The following CEP164 variants were observed in gnomAD, a reference collection of about 807,000 sequenced individuals.
CEP164 encodes centrosomal protein of 164 kDa.
CEP164 carries 162 observed loss-of-function variants against 182.7 expected under a neutral mutation model. The ratio of observed to expected loss-of-function variants is 0.89; its 90% CI spans 0.78 to 1.01. The LOEUF (loss-of-function observed/expected upper bound fraction) is 1.01. Among genes scored for constraint, CEP164 ranks in the 50% least tolerant of loss-of-function variants. The pLI, the probability that CEP164 is intolerant of heterozygous loss-of-function variation, is 0.00. For synonymous variants in CEP164, 661 were observed against 690.0 expected (o/e 0.96, Z 0.66); for missense variants, 1,735 against 1,790.4 (o/e 0.97, Z 0.56).
chr11:117,354,956 C>T (rs531508020), intron 5 of CEP164: 3 of 1,287,324 alleles, frequency 2.3e-6, no homozygotes, highest in African/African-American at 1.5e-5. Context: ...GGAGGGACTT[C>T]TGCCTCCTTC....
upstream of CEP164, among the ~76,000 whole-genome samples, chr11:117,323,302 C>A (rs530685778): frequency 1.4e-4 from 21 of 151,524 alleles, no homozygotes; most frequent in African/African-American, 5.1e-4. Flanking sequence ...TCTATGAGAT[C>A]AACTTTTTTT....
chr11:117,338,184 C>T (rs1294921800), intron 2 of CEP164, among the ~76,000 whole-genome samples: 1 of 152,024 alleles, frequency 6.6e-6, no homozygotes, highest in African/African-American at 2.4e-5. Flanking sequence ...GGGTGTGCCA[C>T]GGAGATGTGC....
chr11:117,396,280 A>C, intron 25 of CEP164, 100 bp downstream of exon 25: 4 of 1,349,686 alleles, frequency 3.0e-6, no homozygotes, highest in Non-Finnish European at 4.2e-6. Flanking sequence ...GGGACAGCTC[A>C]TCAGGAGGGG....
At chr11:117,374,690 A>C (rs577601242) in intron 10 of CEP164, among the ~76,000 whole-genome samples, 3 of 152,388 alleles carry the variant, frequency 2.0e-5, no homozygotes. Context: ...AAAACTGTCC[A>C]TGAAGAATCG....
intron 5 of CEP164, chr11:117,355,985 G>C: frequency 6.4e-6 from 7 of 1,087,362 alleles, no homozygotes; most frequent in Non-Finnish European, 7.9e-6. Context: ...TAGCTTGTCT[G>C]GGCCTGACTT....
At chr11:117,327,277 T>C (rs1188953127), upstream of CEP164, among the ~76,000 whole-genome samples, 1 of 152,134 alleles carries the variant, frequency 6.6e-6, no homozygotes, top group African/African-American at 2.4e-5. Flanking sequence ...ACATTCACAT[T>C]TGTTTTGTTG....
chr11:117,375,726 C>T lies in CEP164; in HGVS notation c.1252C>T (p.Arg418Trp), dbSNP rs575328059. 3.1e-5 allele frequency: 50 copies of T among 1,614,094 alleles called. No homozygotes were observed. The highest frequency in any genetic ancestry group is 2.0e-4 in the East Asian group (9 of 44,862). ...FHGLDFGFRS[R>W]ISEHLLDVDV... ...TCTCCAGGACTTCGGTTTTCGCAGC[C>T]GGATCTCGGAGCACCTGCTGGATGT... Residue 418 changes from arginine (R) to tryptophan (W), a missense_variant, in exon 11 of 33, where the codon CGG becomes TGG. By Grantham distance (101) the Arg-to-Trp change is moderately radical. Coordinates refer to ENST00000278935, the MANE Select transcript of CEP164 (RefSeq NM_014956.5).
At chr11:117,359,496 C>T (rs1483048087) in intron 5 of CEP164, 4 of 985,320 alleles carry the variant, frequency 4.1e-6, no homozygotes, top group Non-Finnish European at 4.8e-6. Flanking sequence ...TGATGAGCAT[C>T]TGATGCAGAA....
In CEP164 at chr11:117,380,721, GGCTATCCCCAGC is replaced by G; in HGVS notation, c.1409+20_1409+31del. 6.3e-7 allele frequency: 1 copy of G among 1,590,406 alleles called. No individual in the cohort carries two copies. The highest frequency in any genetic ancestry group is 8.6e-7 in the Non-Finnish European group (1 of 1,168,350). ...TGGAGGAGAGGTACCATAGGTGGGA[GGCTATCCCCAGC>G]GCTGTGCCTTCAGGGTGGTGTGGAC... On this transcript the variant is annotated intron_variant, in intron 12 of 32. Transcript: ENST00000278935.
Position 117,412,651 on chromosome 11 carries a change from T to C in CEP164, c.*483T>C, listed in dbSNP as rs1256717899. The C allele has an allele frequency of 6.4e-6, 1 of 157,230 alleles. No homozygotes were observed. Among genetic ancestry groups the C allele is most frequent in the East Asian group, 1.9e-4 (1 of 5,252 alleles). The allele number at this position is 157,230 out of a possible 1,614,324, so 9.7% of individuals were successfully genotyped here. On this transcript the variant is annotated 3_prime_UTR_variant, in exon 33 of 33. Coordinates refer to ENST00000278935, the MANE Select transcript of CEP164 (RefSeq NM_014956.5). The stretch of plus-strand genomic sequence containing the variant: ...TCTCTGGGCCCACATCTATCTCCAA[T>C]ACCTCAGCCTCAGATCAGACCCTTT...
In CEP164 at chr11:117,394,995, G is replaced by T. The variant is rs1395159421; in HGVS notation, c.2836G>T (p.Glu946Ter). 10 of 1,614,136 alleles carry T rather than the reference G, an allele frequency of 6.2e-6. No individual in the cohort carries two copies. In the South Asian group the frequency reaches 1.1e-4, roughly 18 times the overall value. Reference sequence around the variant, plus strand: ...TGTCAAGGCCAGATTGGCTCTGCTGGAGGTCCAGGTGAGGGATCTGCAGGA... The same window carrying T: ...TGTCAAGGCCAGATTGGCTCTGCTGTAGGTCCAGGTGAGGGATCTGCAGGA... ...KDVKARLALLEVQEETARREK... is the reference protein window; with the variant it reads ...KDVKARLALL The change falls in exon 22 of 33, where the codon GAG becomes TAG. Residue 946 changes from glutamate (E) to a stop codon, truncating the protein, a stop_gained. Coordinates refer to ENST00000278935, the MANE Select transcript of CEP164 (RefSeq NM_014956.5). LOFTEE classifies it high-confidence loss of function. The surrounding 1 kb of genome is among the most constrained non-coding windows in gnomAD (Gnocchi z 4.0).
intron 1 of CEP164, among the ~76,000 whole-genome samples, chr11:117,335,098 C>T (rs1216011981): frequency 6.6e-6 from 1 of 152,168 alleles, no homozygotes; most frequent in Non-Finnish European, 1.5e-5. Flanking sequence ...ACTCTGTAAG[C>T]CACCAGGCAG....
chr11:117,325,875 C>T (rs1259090155), upstream of CEP164, among the ~76,000 whole-genome samples: 1 of 149,812 alleles, frequency 6.7e-6, no homozygotes, highest in African/African-American at 2.5e-5. Context: ...AATAGGTATA[C>T]ACATGCCATA....
chr11:117,367,064 G>A (rs1199375206), intron 8 of CEP164, among the ~76,000 whole-genome samples: 4 of 152,186 alleles, frequency 2.6e-5, no homozygotes, highest in African/African-American at 9.7e-5. Context: ...TTGAGACTGA[G>A]GCCCCGCCTT....
In CEP164 at chr11:117,409,592, C is replaced by A. The variant is rs1318915604; in HGVS notation, c.3749-26C>A. ...CCAGGGTCCTGAGCTTGAGTCCCTT[C>A]CCACCATCCACCTCTTTTCTTTCAG... is the stretch of plus-strand genomic sequence containing the variant. On this transcript the variant is annotated intron_variant, in intron 29 of 32. Transcript: ENST00000278935. The surrounding 1 kb of genome is among the most constrained non-coding windows in gnomAD (Gnocchi z 4.4). The A allele has an allele frequency of 6.3e-7, 1 of 1,581,244 alleles. No individual in the cohort carries two copies. The highest frequency in any genetic ancestry group is 1.7e-5 in the Admixed American group (1 of 59,060).
chr11:117,392,530 C>T lies in CEP164; in HGVS notation c.2396C>T (p.Ala799Val). 6.2e-7 allele frequency: 1 copy of T among 1,614,162 alleles called. No homozygotes were observed. The highest frequency in any genetic ancestry group is 1.3e-5 in the African/African-American group (1 of 75,040). The change falls in exon 19 of 33, where the codon GCT becomes GTT. Residue 799 changes from alanine to valine, a missense_variant. Ala to Val is a moderately conservative substitution (Grantham distance 64). Transcript: ENST00000278935. ...AGCCTCCAGAAGAAGATACAGGAAG[C>T]TCAACAGAAAGAGGAGGCCCAGCTG... Reference protein sequence around the residue: ...VSSLQKKIQEAQQKEEAQLQK... With the variant: ...VSSLQKKIQEVQQKEEAQLQK...
At chr11:117,334,776 C>A (rs2036782189) in intron 1 of CEP164, among the ~76,000 whole-genome samples, 1 of 109,220 alleles carries the variant, frequency 9.2e-6, no homozygotes, top group African/African-American at 3.6e-5. Flanking sequence ...CAGACTGAGA[C>A]TTCGTTTCAA....
intron 3 of CEP164, among the ~76,000 whole-genome samples, chr11:117,341,299 C>T (rs1034788035): frequency 2.0e-5 from 3 of 152,148 alleles, no homozygotes; most frequent in African/African-American, 7.2e-5. Flanking sequence ...TCCTAATTAG[C>T]CTTACTGTTT....
chr11:117,409,602 A>T lies in CEP164; in HGVS notation c.3749-16A>T. 1.3e-6 allele frequency: 2 copies of T among 1,591,296 alleles called. No homozygotes were observed. On this transcript the variant is annotated splice_polypyrimidine_tract_variant and intron_variant, in intron 29 of 32. Coordinates refer to ENST00000278935, the MANE Select transcript of CEP164 (RefSeq NM_014956.5). This position sits in a 1 kb window ranked among gnomAD's most constrained non-coding sequence, Gnocchi z 4.4. ...GAGCTTGAGTCCCTTCCCACCATCCACCTCTTTTCTTTCAGTCGACTCAAC... is the reference window on the plus strand; with the variant it reads ...GAGCTTGAGTCCCTTCCCACCATCCTCCTCTTTTCTTTCAGTCGACTCAAC...
Sources: gnomAD v4.1 joint callset for allele counts (sites outside exome capture counted in the v4.1 genomes callset) on GRCh38, gnomAD v4.1.1 for gene constraint, Gnocchi (gnomAD v3.1) non-coding constraint, MANE v1.5 for transcripts, NCBI Gene and HGNC (gene_info 2026-07-23, HGNC 2026-07-21) for gene names.